Variants in TP63 observed in about 807,000 individuals in gnomAD.
TP63 encodes the protein tumor protein p63, also known as tumor protein 63.
TP63 carries 17 observed loss-of-function variants against 82.8 expected under a neutral mutation model. The ratio of observed to expected loss-of-function variants is 0.21; its 90% CI spans 0.14 to 0.31. TP63 has a LOEUF of 0.31. Among genes scored for constraint, TP63 ranks in the 10% least tolerant of loss-of-function variants. The probability of loss-of-function intolerance (pLI) is 1.00; values close to 1 mark genes in which losing one functional copy is unlikely to be tolerated. For missense variants in TP63, 648 were observed against 895.3 expected (o/e 0.72, Z 3.52); for synonymous variants, 330 against 321.7 (o/e 1.03, Z -0.28).
chr3:189,621,557 A>G, the TP63 span, among the ~76,000 whole-genome samples: 2 of 143,956 alleles, frequency 1.4e-5, no homozygotes, highest in African/African-American at 5.0e-5. Flanking sequence ...ATAAGTAAAT[A>G]TGTACATTAT....
At chr3:189,890,702 T>C (rs1720928441) in intron 12 of TP63, 87 bp from the exon 13 acceptor site, 2 of 1,257,232 alleles carry the variant, frequency 1.6e-6, no homozygotes, top group African/African-American at 1.5e-5. Context: ...GGGCAAAATA[T>C]ATTGGGTTTT....
At position 189,820,008 on chromosome 3, in the gene TP63, C is replaced by T. The variant is rs1318323736; in HGVS notation, c.579+11482C>T. ...TTGTGATCCACCCGCCTCGGCCTCC[C>T]AAAGTGCTGGGATTACAGGCATGAG... On this transcript the variant is annotated intron_variant, in intron 4 of 13. Transcript: ENST00000264731. Among the ~76,000 whole-genome samples, 3 of 152,216 alleles carry T rather than the reference C, an allele frequency of 2.0e-5. No homozygotes were observed. In the East Asian group the frequency reaches 5.8e-4, roughly 29 times the overall value.
At chr3:189,616,095 G>C in the TP63 span, among the ~76,000 whole-genome samples, 1 of 152,136 alleles carries the variant, frequency 6.6e-6, no homozygotes, top group Non-Finnish European at 1.5e-5. Flanking sequence ...TGAGTGTCAT[G>C]GATCAAGACA....
chr3:189,669,223 C>T (rs200097542), intron 1 of TP63, among the ~76,000 whole-genome samples: 3 of 150,744 alleles, frequency 2.0e-5, no homozygotes, highest in African/African-American at 7.3e-5. Flanking sequence ...AAGAAAAAAA[C>T]AATACTAACA....
At chr3:189,663,521 C>T (rs370431084) in intron 1 of TP63, among the ~76,000 whole-genome samples, 116 of 84,514 alleles carry the variant, frequency 1.4e-3, no homozygotes, top group South Asian at 3.5e-3. Context: ...TTCATTCATT[C>T]TTTTTTTTTT....
chr3:189,766,572 TC>T (rs1286487799), intron 3 of TP63, among the ~76,000 whole-genome samples: 1 of 152,220 alleles, frequency 6.6e-6, no homozygotes, highest in Non-Finnish European at 1.5e-5. Flanking sequence ...GCCTCTGTCT[TC>T]CTCGCAAGCC....
At chr3:189,600,921 T>C in the TP63 span, among the ~76,000 whole-genome samples, 6 of 152,220 alleles carry the variant, frequency 3.9e-5, no homozygotes, top group African/African-American at 1.4e-4. Flanking sequence ...AGAGCATACA[T>C]ACCATCTGAT....
rs916650401 is a variant in TP63 at position 189,867,710 on chromosome 3, C to A, written c.883-123C>A. 4 of 905,116 alleles carry A rather than the reference C, an allele frequency of 4.4e-6. No individual in the cohort carries two copies. In the Admixed American group the frequency reaches 8.0e-5, roughly 18 times the overall value. The allele number at this position is 905,116 out of a possible 1,614,324, so 56.1% of individuals were successfully genotyped here. Reference sequence around the variant, plus strand: ...ATCTACAACAGGGTTCAGAGTTTGCCCTTTTAGGAGGAAGCGTATCACTTC... The same window carrying A: ...ATCTACAACAGGGTTCAGAGTTTGCACTTTTAGGAGGAAGCGTATCACTTC... On this transcript the variant is annotated intron_variant, in intron 6 of 13. Transcript: ENST00000264731.
upstream of TP63, among the ~76,000 whole-genome samples, chr3:189,630,429 C>T (rs1729415857): frequency 6.6e-6 from 1 of 152,112 alleles, no homozygotes; most frequent in Admixed American, 6.6e-5. Context: ...TGTGTGTAGA[C>T]TTTCCTGATA....
intron 1 of TP63, among the ~76,000 whole-genome samples, chr3:189,700,006 G>A (rs1229356375): frequency 6.6e-6 from 1 of 152,162 alleles, no homozygotes; most frequent in Non-Finnish European, 1.5e-5. Flanking sequence ...TGGTGACTGG[G>A]GAACACTGGT....
At chr3:189,774,513 G>A (rs78638380) in intron 3 of TP63, among the ~76,000 whole-genome samples, 3,461 of 152,184 alleles carry the variant, frequency 0.023, 62 homozygotes, top group Non-Finnish European at 0.026. Flanking sequence ...TGTTTGAAGG[G>A]GGCCTTGCAG....
At chr3:189,741,509 T>C (rs1380017933) in intron 3 of TP63, among the ~76,000 whole-genome samples, 2 of 152,216 alleles carry the variant, frequency 1.3e-5, no homozygotes, top group African/African-American at 4.8e-5. Context: ...TTTCCACGTA[T>C]AGGTTAATAG....
At chr3:189,750,658 CTGAT>C (rs1362910427) in intron 3 of TP63, among the ~76,000 whole-genome samples, 2 of 152,028 alleles carry the variant, frequency 1.3e-5, no homozygotes, top group Non-Finnish European at 2.9e-5. Flanking sequence ...ACGTTGGACT[CTGAT>C]AGGAAGGAAA....
intron 1 of TP63, among the ~76,000 whole-genome samples, chr3:189,658,923 G>C (rs145295752): frequency 0.038 from 5,823 of 151,994 alleles, 140 homozygotes; most frequent in Middle Eastern, 0.054. Context: ...CATTAATTGT[G>C]ACAAACGTAC....
At chr3:189,782,182 G>T (rs962056029) in intron 3 of TP63, among the ~76,000 whole-genome samples, 4 of 152,124 alleles carry the variant, frequency 2.6e-5, no homozygotes, top group Non-Finnish European at 5.9e-5. Flanking sequence ...GAAAATCTGG[G>T]CTTGTATTAT....
intron 1 of TP63, among the ~76,000 whole-genome samples, chr3:189,681,560 A>G (rs1452882248): frequency 6.6e-6 from 1 of 152,188 alleles, no homozygotes; most frequent in African/African-American, 2.4e-5. Flanking sequence ...CACTGAAGCC[A>G]GGCTCTATAT....
At chr3:189,726,416 T>C (rs1235126651) in intron 1 of TP63, among the ~76,000 whole-genome samples, 1 of 152,200 alleles carries the variant, frequency 6.6e-6, no homozygotes, top group Admixed American at 6.5e-5. Flanking sequence ...TTCCTAAGGT[T>C]CAATATGATA....
chr3:189,755,617 A>G (rs7653252), intron 3 of TP63, among the ~76,000 whole-genome samples: 40,402 of 152,094 alleles, frequency 0.27, 5,472 homozygotes, highest in Middle Eastern at 0.3. Flanking sequence ...AGAAAAAAAT[A>G]TTTAAATATT....
chr3:189,883,874 T>C (rs1720173225), intron 10 of TP63, among the ~76,000 whole-genome samples: 1 of 150,702 alleles, frequency 6.6e-6, no homozygotes, highest in Non-Finnish European at 1.5e-5. Flanking sequence ...ATAATAACCA[T>C]AAGCTAAAGA....
Sources: gnomAD v4.1 joint callset for allele counts (sites outside exome capture counted in the v4.1 genomes callset) on GRCh38, gnomAD v4.1.1 for gene constraint, MANE v1.5 for transcripts, NCBI Gene and HGNC (gene_info 2026-07-23, HGNC 2026-07-21) for gene names.